Variants in PDE10A observed in about 807,000 individuals in gnomAD.
PDE10A encodes cAMP and cAMP-inhibited cGMP 3',5'-cyclic phosphodiesterase 10A.
PDE10A carries 39 observed loss-of-function variants against 97.7 expected under a neutral mutation model. The observed-to-expected ratio is 0.40, with a 90% CI of 0.31 to 0.52. The LOEUF (loss-of-function observed/expected upper bound fraction) is 0.52, where lower values mean the gene tolerates loss of function less well. Among genes scored for constraint, PDE10A ranks in the 20% least tolerant of loss-of-function variants. The pLI is 0.56. For synonymous variants in PDE10A, 371 were observed against 376.8 expected (o/e 0.98, Z 0.18); for missense variants, 731 against 1,047.8 (o/e 0.70, Z 4.17).
rs1432198890 is a variant in PDE10A at position 165,655,042 on chromosome 6, T to C, written c.865+6905A>G. Among the ~76,000 whole-genome samples the C allele has an allele frequency of 6.6e-6, 1 of 152,110 alleles. No individual in the cohort carries two copies. Among genetic ancestry groups the C allele is most frequent in the Non-Finnish European group, 1.5e-5 (1 of 68,028 alleles). ...ACCTTGGTGTTGCAGAGTCCAAATC[T>C]CTCTTTCTACTCCGGCTCATAGCAC... On this transcript the variant is annotated intron_variant, in intron 1 of 21. Coordinates refer to ENST00000539869, the MANE Select transcript of PDE10A (RefSeq NM_001385079.1). The surrounding 1 kb of genome is among the most constrained non-coding windows in gnomAD (Gnocchi z 4.5).
intron 3 of PDE10A, among the ~76,000 whole-genome samples, chr6:165,465,080 C>T (rs1181468938): frequency 3.3e-5 from 5 of 152,132 alleles, no homozygotes; most frequent in Admixed American, 2.6e-4. Flanking sequence ...CAAGAAGTTA[C>T]CCCCCTTTTT....
At chr6:165,525,677 A>G (rs1444919083) in intron 2 of PDE10A, among the ~76,000 whole-genome samples, 1 of 152,142 alleles carries the variant, frequency 6.6e-6, no homozygotes, top group Non-Finnish European at 1.5e-5. Context: ...AGTCACTCAA[A>G]TACCAAATTT....
At chr6:165,606,716 G>A (rs759692308) in intron 1 of PDE10A, among the ~76,000 whole-genome samples, 2 of 152,072 alleles carry the variant, frequency 1.3e-5, no homozygotes, top group Non-Finnish European at 2.9e-5. Context: ...CTTAGGGTAG[G>A]CACAAAAATT....
intron 5 of PDE10A, among the ~76,000 whole-genome samples, chr6:165,447,086 C>T (rs1339991188): frequency 6.7e-6 from 1 of 149,220 alleles, no homozygotes; most frequent in African/African-American, 2.5e-5. Flanking sequence ...AAGAAGTCTG[C>T]AAATAAAGCA....
At chr6:165,601,091 T>C (rs751342864) in intron 1 of PDE10A, among the ~76,000 whole-genome samples, 34 of 152,334 alleles carry the variant, frequency 2.2e-4, no homozygotes, top group Admixed American at 3.9e-4. Context: ...GAGTTGGTCT[T>C]TCCCGTGCTA....
chr6:165,635,507 G>T (rs915831827), intron 1 of PDE10A, among the ~76,000 whole-genome samples: 2 of 152,142 alleles, frequency 1.3e-5, no homozygotes, highest in South Asian at 4.1e-4. Context: ...GCATGCACGC[G>T]TGCACGACCA....
chr6:165,430,340 G>A lies in PDE10A; in HGVS notation c.1548C>T (p.Cys516=). ...ASVAIHQVQV[C]RGLAKQTELN... is the part of the protein sequence containing the mutation. ...ATTCTGTCTGTTTGGCAAGGCCTCT[G>A]CATACCTACCATATAAAATAATAGG... The change falls in exon 9 of 22, where the codon TGC becomes TGT. Residue 516 remains cysteine, a synonymous_variant. Coordinates refer to ENST00000539869, the MANE Select transcript of PDE10A (RefSeq NM_001385079.1). 1.9e-6 allele frequency: 3 copies of A among 1,591,474 alleles called. No individual in the cohort carries two copies. The highest frequency in any genetic ancestry group is 2.6e-6 in the Non-Finnish European group (3 of 1,161,208).
rs140133427 is a variant in PDE10A, at chr6:165,755,751, C to G, written c.-614-212183G>C. The stretch of plus-strand genomic sequence containing the variant: ...GAGGAGGCAGAGGCTGCTGCATGAC[C>G]AGGTACAGCCCCTGCAGGTCACAGC... On this transcript the variant is annotated intron_variant, in intron 1 of 19. Coordinates refer to the PDE10A transcript ENST00000366882. Among the ~76,000 whole-genome samples the G allele has an allele frequency of 4.4e-3, 644 of 146,348 alleles. 4 individuals are homozygous for G. The highest frequency in any genetic ancestry group is 0.015 in the African/African-American group (574 of 39,082).
chr6:165,491,667 A>G (rs1780233899), intron 2 of PDE10A, among the ~76,000 whole-genome samples: 1 of 152,184 alleles, frequency 6.6e-6, no homozygotes, highest in Non-Finnish European at 1.5e-5. Context: ...ACTACACTAT[A>G]ATAGTGACAT....
chr6:165,810,070 C>A (rs1198341771), intron 1 of PDE10A, among the ~76,000 whole-genome samples: 1 of 152,136 alleles, frequency 6.6e-6, no homozygotes, highest in Admixed American at 6.5e-5. Context: ...ACCACCACCG[C>A]CCCAAAGATG....
chr6:165,616,470 G>GT (rs1050851766), intron 1 of PDE10A, among the ~76,000 whole-genome samples: 16 of 151,816 alleles, frequency 1.1e-4, no homozygotes, highest in Admixed American at 9.8e-4. Flanking sequence ...TTAGAAAAAC[G>GT]TTTTTTTTAG....
Position 165,575,948 on chromosome 6 carries a change from T to C in PDE10A, c.866-32380A>G, listed in dbSNP as rs969996673. On this transcript the variant is annotated intron_variant, in intron 1 of 21. Coordinates refer to ENST00000539869, the MANE Select transcript of PDE10A (RefSeq NM_001385079.1). Reference sequence around the variant, plus strand: ...AACCAACTTTCCAAATTGCTAAATATCATTATCTCAGTCTTCATCTCCCTT... The same window carrying C: ...AACCAACTTTCCAAATTGCTAAATACCATTATCTCAGTCTTCATCTCCCTT... Among the ~76,000 whole-genome samples the C allele has an allele frequency of 1.3e-4, 17 of 130,910 alleles. 1 individual carries two copies. The highest frequency in any genetic ancestry group is 3.7e-5 in the Non-Finnish European group (2 of 54,628). The allele number at this position is 130,910 out of a possible 152,430, so 85.9% of individuals were successfully genotyped here. A position where few individuals can be genotyped will look rare whatever the true frequency, so the allele number is the denominator to read the frequency against.
At chr6:165,592,906 C>A (rs900046937) in intron 1 of PDE10A, among the ~76,000 whole-genome samples, 1 of 152,142 alleles carries the variant, frequency 6.6e-6, no homozygotes, top group African/African-American at 2.4e-5. Context: ...CCTCAGGGAT[C>A]TAGAACTAGA....
intron 1 of PDE10A, among the ~76,000 whole-genome samples, chr6:165,824,968 T>TAAAAAAAAAA (rs71890265): frequency 1.6e-3 from 151 of 91,958 alleles, no homozygotes; most frequent in Middle Eastern, 5.7e-3. Flanking sequence ...CCGTCTCTAC[T>TAAAAAAAAAA]AAAAAAAAAA....
At chr6:165,609,971 C>G (rs1787411282) in intron 1 of PDE10A, among the ~76,000 whole-genome samples, 2 of 152,180 alleles carry the variant, frequency 1.3e-5, no homozygotes, top group Non-Finnish European at 2.9e-5. Flanking sequence ...CCCCATCAAG[C>G]TACCAATGAC....
intron 1 of PDE10A, among the ~76,000 whole-genome samples, chr6:165,883,990 C>T (rs1229639755): frequency 9.2e-5 from 14 of 152,148 alleles, no homozygotes; most frequent in Non-Finnish European, 1.9e-4. Flanking sequence ...AGAAAGCCCA[C>T]CAGCACCCAG....
intron 13 of PDE10A, among the ~76,000 whole-genome samples, chr6:165,408,015 G>A (rs1020778612): frequency 4.6e-5 from 7 of 152,148 alleles, no homozygotes; most frequent in African/African-American, 1.7e-4. Flanking sequence ...GCATTAACAT[G>A]GCCTATGTGC....
At chr6:165,462,901 T>C (rs1318095431) in intron 3 of PDE10A, among the ~76,000 whole-genome samples, 1 of 152,224 alleles carries the variant, frequency 6.6e-6, no homozygotes, top group Non-Finnish European at 1.5e-5. Context: ...ACATGCTTTC[T>C]GATCTCAGTA....
intron 3 of PDE10A, among the ~76,000 whole-genome samples, chr6:165,460,357 G>A (rs1251484709): frequency 2.0e-5 from 3 of 152,212 alleles, no homozygotes; most frequent in Non-Finnish European, 4.4e-5. Flanking sequence ...GGAAAGCAGA[G>A]CCAGGGAAGC....
Sources: gnomAD v4.1 joint callset for allele counts (sites outside exome capture counted in the v4.1 genomes callset) on GRCh38, gnomAD v4.1.1 for gene constraint, Gnocchi (gnomAD v3.1) non-coding constraint, MANE v1.5 for transcripts, NCBI Gene and HGNC (gene_info 2026-07-23, HGNC 2026-07-21) for gene names.